The following PHC3 variants were observed in gnomAD, a reference collection of about 807,000 sequenced individuals.
PHC3 encodes the protein polyhomeotic-like protein 3.
In PHC3, 13 loss-of-function variants were observed where a neutral mutation model predicts 107.4. That is an observed-to-expected ratio of 0.12 (90% confidence interval 0.08 to 0.19). PHC3 has a LOEUF of 0.19. Ranked by LOEUF, PHC3 falls within the 10% of genes least tolerant of loss-of-function variation. PHC3 has a pLI of 1.00. For synonymous variants in PHC3, 456 were observed against 427.4 expected (o/e 1.07, Z -0.83); for missense variants, 992 against 1,210.9 (o/e 0.82, Z 2.68).
rs1714568170 is a variant in PHC3, at chr3:170,095,733, T to C, written c.*1497A>G. The C allele has an allele frequency of 2.0e-5, 3 of 152,208 alleles. No individual in the cohort carries two copies. Among genetic ancestry groups the C allele is most frequent in the Admixed American group, 2.0e-4 (3 of 15,266 alleles). The allele number at this position is 152,208 out of a possible 1,614,324, so 9.4% of individuals were successfully genotyped here. On this transcript the variant is annotated 3_prime_UTR_variant, in exon 15 of 15. Transcript: ENST00000495893. ...AAAACATTCATCATCTCAAATAAAA[T>C]TTTTGATGTCCAGGACTATAAAGCT...
At chr3:170,139,938 C>G (rs981593155) in intron 6 of PHC3, among the ~76,000 whole-genome samples, 6 of 152,064 alleles carry the variant, frequency 3.9e-5, no homozygotes, top group African/African-American at 1.4e-4. Flanking sequence ...GTTATGAAAA[C>G]TTTCTGGCTT....
intron 11 of PHC3, among the ~76,000 whole-genome samples, chr3:170,111,174 G>C (rs912724602): frequency 6.6e-6 from 1 of 151,962 alleles, no homozygotes; most frequent in Non-Finnish European, 1.5e-5. Flanking sequence ...TGCTATGTGT[G>C]ATATGGCATT....
At chr3:170,113,307 A>G (rs1577011814) in intron 11 of PHC3, 53 bp downstream of exon 11, 2 of 1,513,844 alleles carry the variant, frequency 1.3e-6, no homozygotes, top group East Asian at 4.6e-5. Flanking sequence ...TCCTGTTTTA[A>G]GCAGTAAAAG....
intron 9 of PHC3, among the ~76,000 whole-genome samples, chr3:170,119,050 A>AAG (rs1719646816): frequency 6.6e-6 from 1 of 151,384 alleles, no homozygotes; most frequent in African/African-American, 2.4e-5. Context: ...AAAAAAAAAA[A>AAG]AAAAAGAAAA....
In PHC3 at chr3:170,150,719, GAAAAGAAA is replaced by G. The variant is rs1311780835; in HGVS notation, c.415-1483_415-1476del. On this transcript the variant is annotated intron_variant, in intron 4 of 14. Coordinates refer to ENST00000495893, the MANE Select transcript of PHC3 (RefSeq NM_024947.4). Reference sequence around the variant, plus strand: ...CAGAGCGACACTCCATCTAAAAAGAGAAAAGAAAAAAAGAAAAAAACCCAATAAACTAG... The same window carrying G: ...CAGAGCGACACTCCATCTAAAAAGAGAAAAGAAAAAAACCCAATAAACTAG... The G allele has an allele frequency of 1.4e-5, 6 of 422,148 alleles. No individual in the cohort carries two copies. The East Asian group carries it at 4.7e-4, about 33-fold the overall frequency. 26.2% of individuals were successfully genotyped at this position (422,148 alleles called of 1,614,324 possible).
intron 6 of PHC3, among the ~76,000 whole-genome samples, chr3:170,140,237 T>C (rs141750098): frequency 3.3e-5 from 5 of 150,280 alleles, no homozygotes; most frequent in African/African-American, 9.7e-5. Context: ...AACAGCCCTT[T>C]GGATTTACTG....
At chr3:170,154,231 A>G (rs1726523577) in intron 4 of PHC3, among the ~76,000 whole-genome samples, 1 of 152,156 alleles carries the variant, frequency 6.6e-6, no homozygotes, top group South Asian at 2.1e-4. Flanking sequence ...AATTAATGTC[A>G]TGTTATTTTA....
At chr3:170,136,318 TA>T in intron 7 of PHC3, 100 bp downstream of exon 7, 1 of 1,376,508 alleles carries the variant, frequency 7.3e-7, no homozygotes, top group Non-Finnish European at 1.0e-6. Flanking sequence ...TAAAATGTTT[TA>T]AAGGTGTCAC....
intron 6 of PHC3, among the ~76,000 whole-genome samples, chr3:170,137,798 C>A (rs576343310): frequency 1.3e-5 from 2 of 152,202 alleles, no homozygotes; most frequent in Non-Finnish European, 2.9e-5. Context: ...ACTCAGAAGG[C>A]TGAGGCAGGA....
intron 1 of PHC3, among the ~76,000 whole-genome samples, chr3:170,181,190 C>A (rs977411597): frequency 2.0e-5 from 3 of 152,204 alleles, no homozygotes; most frequent in Admixed American, 1.3e-4. Context: ...GGGATGCCTC[C>A]GGCACGAGGG....
chr3:170,101,062 T>A (rs1247707102), intron 14 of PHC3, among the ~76,000 whole-genome samples: 1 of 152,188 alleles, frequency 6.6e-6, no homozygotes, highest in African/African-American at 2.4e-5. Flanking sequence ...ACTGGTTTCA[T>A]TAGATACTAA....
intron 6 of PHC3, among the ~76,000 whole-genome samples, chr3:170,140,196 A>AT (rs1252126724): frequency 2.9e-4 from 43 of 147,454 alleles, no homozygotes; most frequent in African/African-American, 8.7e-4. Flanking sequence ...AGATAGCCTT[A>AT]CTGGGGAATA....
chr3:170,105,197 C>G (rs538063413), intron 12 of PHC3, among the ~76,000 whole-genome samples: 2 of 152,020 alleles, frequency 1.3e-5, no homozygotes, highest in Non-Finnish European at 2.9e-5. Flanking sequence ...AGTCCTTTCC[C>G]CAAATTTTTA....
At chr3:170,138,689 CA>C (rs11284597) in intron 6 of PHC3, among the ~76,000 whole-genome samples, 32,466 of 81,230 alleles carry the variant, frequency 0.4, 3,228 homozygotes, top group East Asian at 0.57. Context: ...GACTCTGTCT[CA>C]AAAAAAAAAA....
chr3:170,116,785 C>A (rs1719059150), intron 10 of PHC3, among the ~76,000 whole-genome samples: 1 of 151,774 alleles, frequency 6.6e-6, no homozygotes, highest in African/African-American at 2.4e-5. Flanking sequence ...GTGGCGCACA[C>A]CTGTAGTCTC....
rs375637794 is a variant in PHC3, at chr3:170,129,499, G to C, written c.973C>G (p.Leu325Val). The C allele has an allele frequency of 3.7e-6, 6 of 1,613,684 alleles. No individual in the cohort carries two copies. Among genetic ancestry groups the C allele is most frequent in the Non-Finnish European group, 4.2e-6 (5 of 1,179,772 alleles). Reference sequence around the variant, plus strand: ...GAAACTTTGGAAGGTGGTGAATGAAGAGGAATCTGCTGATGTTTTATTAGA... The same window carrying C: ...GAAACTTTGGAAGGTGGTGAATGAACAGGAATCTGCTGATGTTTTATTAGA... ...HSLIKHQQIP[L>V]HSPPSKVSHH... The change falls in exon 8 of 15, where the codon CTT becomes GTT. Residue 325 changes from leucine (L) to valine (V), a missense_variant. Coordinates refer to ENST00000495893, the MANE Select transcript of PHC3 (RefSeq NM_024947.4).
chr3:170,177,859 T>TTTTGTA (rs1553820456), intron 2 of PHC3, among the ~76,000 whole-genome samples: 1 of 151,402 alleles, frequency 6.6e-6, no homozygotes, highest in Non-Finnish European at 1.5e-5. Context: ...TTTGTAGAGA[T>TTTTGTA]GGGGTTTCAA....
At chr3:170,170,097 A>C (rs1410360000) in intron 4 of PHC3, 1 of 152,082 alleles carries the variant, frequency 6.6e-6, no homozygotes, top group Non-Finnish European at 1.5e-5. Context: ...AACAAAAAAA[A>C]CCACAGCTAT....
chr3:170,164,736 AAGTC>A (rs572700658), intron 4 of PHC3, among the ~76,000 whole-genome samples: 1 of 152,186 alleles, frequency 6.6e-6, no homozygotes, highest in Non-Finnish European at 1.5e-5. Flanking sequence ...GGAAATGAAG[AAGTC>A]AGTAATCCAG....
Sources: gnomAD v4.1 joint callset for allele counts (sites outside exome capture counted in the v4.1 genomes callset) on GRCh38, gnomAD v4.1.1 for gene constraint, MANE v1.5 for transcripts, NCBI Gene and HGNC (gene_info 2026-07-23, HGNC 2026-07-21) for gene names.